Variants in SUPT3H observed in about 807,000 individuals in gnomAD.
The protein encoded by SUPT3H is SPT3 homolog, SAGA and STAGA complex component, also known as transcription initiation protein SPT3 homolog.
A neutral mutation model predicts 44.3 loss-of-function variants in SUPT3H; 44 were observed. The ratio of observed to expected loss-of-function variants is 0.99; its 90% CI spans 0.78 to 1.28. The LOEUF (loss-of-function observed/expected upper bound fraction) is 1.28, where lower values mean the gene tolerates loss of function less well. Ranked by LOEUF, SUPT3H falls within the 50% of genes most tolerant of loss-of-function variation. The pLI, the probability that SUPT3H is intolerant of heterozygous loss-of-function variation, is 0.00. For synonymous variants in SUPT3H, 124 were observed against 125.6 expected (o/e 0.99, Z 0.09); for missense variants, 380 against 387.1 (o/e 0.98, Z 0.15).
chr6:45,326,579 GTTTT>G (rs1222441632), intron 2 of SUPT3H, among the ~76,000 whole-genome samples: 7 of 151,816 alleles, frequency 4.6e-5, no homozygotes, highest in Admixed American at 4.6e-4. Flanking sequence ...TGTATTTCTG[GTTTT>G]TTATCACTAA....
chr6:45,224,143 T>A (rs1410019480), intron 2 of SUPT3H, among the ~76,000 whole-genome samples: 1 of 151,462 alleles, frequency 6.6e-6, no homozygotes, highest in Non-Finnish European at 1.5e-5. Flanking sequence ...ATAATATATA[T>A]ATATACATAT....
chr6:45,237,477 A>G (rs1353699830), intron 2 of SUPT3H, among the ~76,000 whole-genome samples: 2 of 152,170 alleles, frequency 1.3e-5, no homozygotes, highest in African/African-American at 4.8e-5. Flanking sequence ...TTCCAGAGCA[A>G]TTGTACAGCC....
intron 3 of SUPT3H, among the ~76,000 whole-genome samples, chr6:45,062,484 C>A (rs1032994554): frequency 6.6e-6 from 1 of 151,198 alleles, no homozygotes; most frequent in Non-Finnish European, 1.5e-5. Context: ...GGAACAGCTC[C>A]GGTCTACAGC....
At chr6:45,242,050 C>CTA (rs1445073179) in intron 2 of SUPT3H, among the ~76,000 whole-genome samples, 1 of 152,132 alleles carries the variant, frequency 6.6e-6, no homozygotes, top group Non-Finnish European at 1.5e-5. Flanking sequence ...CCAGACAGTT[C>CTA]CACTTGTGGA....
chr6:45,195,409 G>C (rs765219684), intron 2 of SUPT3H, among the ~76,000 whole-genome samples: 7 of 152,080 alleles, frequency 4.6e-5, no homozygotes, highest in Non-Finnish European at 8.8e-5. Flanking sequence ...CCCCTGAATT[G>C]TCTGCTGTCA....
chr6:44,877,071 C>G (rs1001494826), intron 10 of SUPT3H, among the ~76,000 whole-genome samples: 1 of 152,120 alleles, frequency 6.6e-6, no homozygotes, highest in African/African-American at 2.4e-5. Flanking sequence ...ATATCTTATC[C>G]TATGTCAAAT....
intron 4 of SUPT3H, among the ~76,000 whole-genome samples, chr6:45,015,789 A>ACG (rs76221894): frequency 1.4e-5 from 2 of 147,126 alleles, no homozygotes; most frequent in South Asian, 4.3e-4. Flanking sequence ...AGATGCACAC[A>ACG]CGCGCGCGCA....
At chr6:45,228,276 A>G (rs1767297753) in intron 2 of SUPT3H, among the ~76,000 whole-genome samples, 1 of 152,228 alleles carries the variant, frequency 6.6e-6, no homozygotes, top group South Asian at 2.1e-4. Context: ...ATTAACATTT[A>G]AATCAGCAAA....
At chr6:45,372,609 T>C (rs1291144952) in intron 1 of SUPT3H, among the ~76,000 whole-genome samples, 2 of 152,220 alleles carry the variant, frequency 1.3e-5, no homozygotes, top group Non-Finnish European at 2.9e-5. Flanking sequence ...TACTGTCCTG[T>C]GAATTCAACA....
chr6:45,259,958 A>G (rs1270870956), intron 2 of SUPT3H, among the ~76,000 whole-genome samples: 5 of 152,216 alleles, frequency 3.3e-5, no homozygotes, highest in Admixed American at 3.3e-4. Flanking sequence ...CACAGATTAA[A>G]TAAAGAACTT....
intron 2 of SUPT3H, among the ~76,000 whole-genome samples, chr6:45,310,603 G>A (rs1783783438): frequency 6.6e-6 from 1 of 152,132 alleles, no homozygotes; most frequent in Non-Finnish European, 1.5e-5. Flanking sequence ...CACATCAGAA[G>A]GACTGTGCAC....
At chr6:45,059,014 G>A (rs1791561753) in intron 3 of SUPT3H, among the ~76,000 whole-genome samples, 1 of 152,108 alleles carries the variant, frequency 6.6e-6, no homozygotes, top group South Asian at 2.1e-4. Flanking sequence ...TAATATAGGT[G>A]TAAGATAGGA....
chr6:45,312,596 A>C (rs1189878736), intron 2 of SUPT3H, among the ~76,000 whole-genome samples: 1 of 145,666 alleles, frequency 6.9e-6, no homozygotes, highest in African/African-American at 2.5e-5. Flanking sequence ...AATCCTAAAC[A>C]TATATGCACC....
chr6:45,283,359 T>C (rs940779633), intron 2 of SUPT3H, among the ~76,000 whole-genome samples: 34 of 151,850 alleles, frequency 2.2e-4, no homozygotes, highest in African/African-American at 7.7e-4. Flanking sequence ...TGCAGAGACA[T>C]ACATAGGATC....
At chr6:44,964,966 T>A (rs944406948) in intron 6 of SUPT3H, among the ~76,000 whole-genome samples, 8 of 152,250 alleles carry the variant, frequency 5.3e-5, no homozygotes, top group African/African-American at 1.4e-4. Context: ...TCCCAATTCC[T>A]AAGTCAGCCT....
chr6:45,005,721 A>G (rs1782626133), intron 5 of SUPT3H, among the ~76,000 whole-genome samples: 1 of 149,774 alleles, frequency 6.7e-6, no homozygotes, highest in Non-Finnish European at 1.5e-5. Context: ...AAAAAAATTT[A>G]ATTTCTATAT....
chr6:44,995,078 T>C (rs1781095897), intron 6 of SUPT3H, among the ~76,000 whole-genome samples: 2 of 152,052 alleles, frequency 1.3e-5, no homozygotes, highest in South Asian at 4.1e-4. Context: ...TGATGTAATA[T>C]TATACCTATA....
intron 2 of SUPT3H, among the ~76,000 whole-genome samples, chr6:45,223,994 TAATA>T (rs548116251): frequency 1.3e-5 from 2 of 148,508 alleles, no homozygotes; most frequent in South Asian, 2.1e-4. Context: ...TCTAATATCT[TAATA>T]TATATTAAAT....
At chr6:44,944,685 C>T (rs1203505243) in intron 9 of SUPT3H, among the ~76,000 whole-genome samples, 1 of 130,480 alleles carries the variant, frequency 7.7e-6, no homozygotes, top group East Asian at 2.5e-4. Context: ...TTGCTTGAGC[C>T]TGGGAGATTC....
Sources: gnomAD v4.1 joint callset for allele counts (sites outside exome capture counted in the v4.1 genomes callset) on GRCh38, gnomAD v4.1.1 for gene constraint, MANE v1.5 for transcripts, NCBI Gene and HGNC (gene_info 2026-07-23, HGNC 2026-07-21) for gene names.